Variants in FOCAD observed in about 807,000 individuals in gnomAD.
FOCAD encodes focadhesin.
In FOCAD, 198 loss-of-function variants were observed where a neutral mutation model predicts 225.6. That is an observed-to-expected ratio of 0.88 (90% confidence interval 0.78 to 0.99). FOCAD has a LOEUF of 0.99. Ranked by LOEUF, FOCAD falls within the 50% of genes least tolerant of loss-of-function variation. FOCAD has a pLI of 0.00. For synonymous variants in FOCAD, 897 were observed against 755.0 expected (o/e 1.19, Z -3.08); for missense variants, 2,713 against 2,123.6 (o/e 1.28, Z -5.46).
intron 4 of FOCAD, among the ~76,000 whole-genome samples, chr9:20,734,829 G>C (rs1827005527): frequency 6.6e-6 from 1 of 151,970 alleles, no homozygotes; most frequent in Non-Finnish European, 1.5e-5. Flanking sequence ...ATTTTTTGTA[G>C]AGATGGGGTT....
At chr9:20,852,815 T>C (rs1444372009) in intron 15 of FOCAD, among the ~76,000 whole-genome samples, 3 of 151,760 alleles carry the variant, frequency 2.0e-5, no homozygotes, top group African/African-American at 7.2e-5. Flanking sequence ...GGATGATATT[T>C]TTATTCTTTT....
At chr9:20,752,228 T>C (rs1417773927) in intron 5 of FOCAD, among the ~76,000 whole-genome samples, 1 of 151,934 alleles carries the variant, frequency 6.6e-6, no homozygotes, top group Non-Finnish European at 1.5e-5. Context: ...CATGAAGTCC[T>C]TGCCCATGCC....
chr9:20,955,380 T>C (rs1429300667), intron 35 of FOCAD, among the ~76,000 whole-genome samples: 3 of 152,172 alleles, frequency 2.0e-5, no homozygotes, highest in Non-Finnish European at 4.4e-5. Flanking sequence ...GGATACTGAC[T>C]TTAGTACTCA....
intron 1 of FOCAD, among the ~76,000 whole-genome samples, chr9:20,685,360 G>T (rs764083615): frequency 6.6e-6 from 1 of 152,118 alleles, no homozygotes; most frequent in Non-Finnish European, 1.5e-5. Flanking sequence ...CAGGAGAGGA[G>T]GGTAGATGGC....
chr9:20,802,291 A>G (rs1821930548), intron 11 of FOCAD, among the ~76,000 whole-genome samples: 1 of 152,156 alleles, frequency 6.6e-6, no homozygotes, highest in Admixed American at 6.5e-5. Context: ...ACAAGCATGT[A>G]AATATATATA....
chr9:20,781,497 AAG>A lies in FOCAD; in HGVS notation c.995-227_995-226del, dbSNP rs35990387. On this transcript the variant is annotated intron_variant, in intron 9 of 43. Transcript: ENST00000338382. ...TTTTAAAAAATTCATATTAACCTAA[AAG>A]AGTATCATCAATTTTTCAGTTATAT... Among the ~76,000 whole-genome samples the A allele has an allele frequency of 0.29, 44,690 of 151,988 alleles. 7,082 individuals carry two copies. Among genetic ancestry groups the A allele is most frequent in the Non-Finnish European group, 0.35 (23,773 of 67,926 alleles).
At chr9:20,870,662 A>G (rs1829682081) in intron 18 of FOCAD, among the ~76,000 whole-genome samples, 1 of 152,234 alleles carries the variant, frequency 6.6e-6, no homozygotes, top group Non-Finnish European at 1.5e-5. Flanking sequence ...ATCACACTGA[A>G]TCACAAGGGT....
chr9:20,702,248 A>G (rs1394297367), intron 1 of FOCAD, among the ~76,000 whole-genome samples: 1 of 152,086 alleles, frequency 6.6e-6, no homozygotes, highest in Non-Finnish European at 1.5e-5. Flanking sequence ...GACTAAAGGC[A>G]TGTACCACCA....
chr9:20,740,662 A>G (rs1330164955), intron 5 of FOCAD, among the ~76,000 whole-genome samples: 2 of 152,194 alleles, frequency 1.3e-5, no homozygotes, highest in Admixed American at 1.3e-4. Flanking sequence ...ACTTCATTGA[A>G]CAAAGATATT....
At chr9:20,680,608 C>T (rs1822373191), upstream of FOCAD, among the ~76,000 whole-genome samples, 1 of 152,028 alleles carries the variant, frequency 6.6e-6, no homozygotes, top group African/African-American at 2.4e-5. Context: ...GCAAGCTATT[C>T]AATAGGTATG....
At chr9:20,747,656 T>A (rs539514193) in intron 5 of FOCAD, among the ~76,000 whole-genome samples, 2 of 152,268 alleles carry the variant, frequency 1.3e-5, no homozygotes, top group East Asian at 3.9e-4. Flanking sequence ...ATTTGCCTTA[T>A]AAGTGGAACA....
At chr9:20,835,220 A>G (rs765193359) in intron 15 of FOCAD, among the ~76,000 whole-genome samples, 18 of 152,046 alleles carry the variant, frequency 1.2e-4, no homozygotes, top group Admixed American at 3.3e-4. Context: ...GCCATGTACA[A>G]TGTTTGGTGT....
intron 11 of FOCAD, among the ~76,000 whole-genome samples, chr9:20,799,001 C>T (rs929455149): frequency 6.6e-6 from 1 of 152,174 alleles, no homozygotes; most frequent in African/African-American, 2.4e-5. Context: ...ATAAATTTCC[C>T]TGTACACACT....
intron 8 of FOCAD, among the ~76,000 whole-genome samples, chr9:20,777,811 T>G (rs569931886): frequency 7.9e-5 from 12 of 152,282 alleles, no homozygotes; most frequent in African/African-American, 2.4e-4. Flanking sequence ...TTTTAAAGAT[T>G]GACTGTTTAG....
At chr9:20,684,873 A>G (rs1208957155) in intron 1 of FOCAD, among the ~76,000 whole-genome samples, 4 of 152,218 alleles carry the variant, frequency 2.6e-5, no homozygotes, top group Admixed American at 1.3e-4. Context: ...ACTTGCGGCA[A>G]TTACTTGAAG....
intron 2 of FOCAD, among the ~76,000 whole-genome samples, chr9:20,672,422 A>C (rs1822091609): frequency 6.6e-6 from 1 of 152,242 alleles, no homozygotes; most frequent in Non-Finnish European, 1.5e-5. Flanking sequence ...AAATGAAATC[A>C]ATAAGTTATA....
intron 21 of FOCAD, 53 bp from the exon 22 acceptor site, chr9:20,907,097 A>G (rs1409589915): frequency 7.3e-7 from 1 of 1,372,748 alleles, no homozygotes. Flanking sequence ...TTTTAATTTT[A>G]TTCTTTTTTA....
Position 20,937,168 on chromosome 9 carries a change from G to C in FOCAD, c.3407+4065G>C, listed in dbSNP as rs562352165. 3.3e-5 allele frequency among the ~76,000 whole-genome samples: 5 copies of C among 150,402 alleles called. No homozygotes were observed. The East Asian group carries it at 5.8e-4, about 17-fold the overall frequency. On this transcript the variant is annotated intron_variant, in intron 28 of 43. Coordinates refer to ENST00000338382, the MANE Select transcript of FOCAD (RefSeq NM_001375567.1). Reference sequence around the variant, plus strand: ...GCCATACTGCCCAAGGTAATTTACAGATTCAATGCCATCCCCATCAAGCTA... The same window carrying C: ...GCCATACTGCCCAAGGTAATTTACACATTCAATGCCATCCCCATCAAGCTA...
intron 5 of FOCAD, among the ~76,000 whole-genome samples, chr9:20,745,851 T>C (rs1827998245): frequency 6.6e-6 from 1 of 152,196 alleles, no homozygotes; most frequent in Non-Finnish European, 1.5e-5. Flanking sequence ...AAGTGGACAA[T>C]TAGGCCAACA....
Sources: gnomAD v4.1 joint callset for allele counts (sites outside exome capture counted in the v4.1 genomes callset) on GRCh38, gnomAD v4.1.1 for gene constraint, MANE v1.5 for transcripts, NCBI Gene and HGNC (gene_info 2026-07-23, HGNC 2026-07-21) for gene names.